Variants in KIF21A observed in about 807,000 individuals in gnomAD.
KIF21A encodes kinesin-like protein KIF21A.
In KIF21A, 114 loss-of-function variants were observed where a neutral mutation model predicts 202.9. The observed-to-expected ratio is 0.56, with a 90% CI of 0.48 to 0.66. The LOEUF (loss-of-function observed/expected upper bound fraction) is 0.66. Among genes scored for constraint, KIF21A ranks in the 30% least tolerant of loss-of-function variants. The pLI, the probability that KIF21A is intolerant of heterozygous loss-of-function variation, is 0.00. For missense variants in KIF21A, 1,677 were observed against 1,994.9 expected (o/e 0.84, Z 3.04); for synonymous variants, 667 against 670.8 (o/e 0.99, Z 0.09).
chr12:39,340,326 C>CT lies in KIF21A; in HGVS notation c.2148dup (p.Val717SerfsTer2). The CT allele has an allele frequency of 1.9e-6, 3 of 1,610,366 alleles. No individual in the cohort carries two copies. Among genetic ancestry groups the CT allele is most frequent in the Non-Finnish European group, 2.5e-6 (3 of 1,178,126 alleles). ...AGTTTCTTTTCATATTCAGACCTAACTTTTTTTGCTTTTTCTTCTGAGTAA... is the reference window on the plus strand; with the variant it reads ...AGTTTCTTTTCATATTCAGACCTAACTTTTTTTTGCTTTTTCTTCTGAGTAA... On this transcript the variant is annotated frameshift_variant, in exon 16 of 38. Transcript: ENST00000361418. LOFTEE classifies it high-confidence loss of function.
intron 1 of KIF21A, among the ~76,000 whole-genome samples, chr12:39,375,267 C>G (rs1176571769): frequency 3.3e-5 from 5 of 152,058 alleles, no homozygotes; most frequent in Non-Finnish European, 7.4e-5. Flanking sequence ...TACTTGCTAC[C>G]TTTTCAACTA....
chr12:39,340,127 C>G (rs1468772584), intron 16 of KIF21A, 38 bp downstream of exon 16: 1 of 1,510,062 alleles, frequency 6.6e-7, no homozygotes, highest in East Asian at 2.3e-5. Context: ...CAAAATCATA[C>G]TGAACATCAA....
At chr12:39,437,880 G>A (rs1270574219) in intron 1 of KIF21A, among the ~76,000 whole-genome samples, 1 of 151,966 alleles carries the variant, frequency 6.6e-6, no homozygotes, top group Non-Finnish European at 1.5e-5. Context: ...GTTTCTCAGA[G>A]GTCTTACTCA....
intron 37 of KIF21A, 62 bp downstream of exon 37, chr12:39,301,418 C>A: frequency 4.1e-6 from 5 of 1,216,504 alleles, no homozygotes; most frequent in African/African-American, 1.5e-5. Context: ...ATATTTACAA[C>A]ATATTTATTA....
chr12:39,392,064 G>A (rs989162517), intron 1 of KIF21A, among the ~76,000 whole-genome samples: 6 of 151,980 alleles, frequency 3.9e-5, no homozygotes, highest in Non-Finnish European at 5.9e-5. Flanking sequence ...TAAAAGAAGC[G>A]ATTGATAAAG....
At chr12:39,367,443 C>G (rs1354106360) in intron 4 of KIF21A, among the ~76,000 whole-genome samples, 2 of 152,168 alleles carry the variant, frequency 1.3e-5, no homozygotes, top group African/African-American at 4.8e-5. Context: ...CACTTTGGTA[C>G]AAACTGAGCA....
At chr12:39,377,804 T>A (rs7978854) in intron 1 of KIF21A, among the ~76,000 whole-genome samples, 19,712 of 152,206 alleles carry the variant, frequency 0.13, 1,371 homozygotes, top group African/African-American at 0.18. Flanking sequence ...AGGGAGTACA[T>A]ACTTTTATGA....
chr12:39,305,358 T>G (rs1592041277), intron 34 of KIF21A, among the ~76,000 whole-genome samples: 2 of 116,124 alleles, frequency 1.7e-5, no homozygotes, highest in Middle Eastern at 0.011. Flanking sequence ...AGAGCGAGAA[T>G]CCGACTCAAG....
Position 39,295,703 on chromosome 12 carries a change from T to TG in KIF21A, c.4932-1187_4932-1186insC, listed in dbSNP as rs1476768566. Among the ~76,000 whole-genome samples, 19 of 142,310 alleles carry TG rather than the reference T, an allele frequency of 1.3e-4. 1 individual carries two copies. The East Asian group carries it at 3.1e-3, about 23-fold the overall frequency. 93.4% of individuals were successfully genotyped at this position (142,310 alleles called of 152,430 possible). A position where few individuals can be genotyped will look rare whatever the true frequency, so the allele number is the denominator to read the frequency against. ...CATGCTTGGGATATGTTTTTTTTTT[T>TG]TTTTTTTTTTTTTTTTGACAGAATC... On this transcript the variant is annotated intron_variant, in intron 37 of 37. Coordinates refer to ENST00000361418, the MANE Select transcript of KIF21A (RefSeq NM_001173464.2).
intron 1 of KIF21A, among the ~76,000 whole-genome samples, chr12:39,381,101 C>T (rs1250864323): frequency 2.6e-5 from 4 of 151,780 alleles, no homozygotes; most frequent in Admixed American, 6.6e-5. Flanking sequence ...GTCAGGAGAT[C>T]GCAACCATCC....
chr12:39,398,829 C>T (rs1411059393), intron 1 of KIF21A, among the ~76,000 whole-genome samples: 1 of 152,004 alleles, frequency 6.6e-6, no homozygotes, highest in Non-Finnish European at 1.5e-5. Context: ...CTCTATATCC[C>T]CAGGTTCCAC....
chr12:39,427,433 G>A (rs936046510), intron 1 of KIF21A, among the ~76,000 whole-genome samples: 7 of 152,124 alleles, frequency 4.6e-5, no homozygotes, highest in Admixed American at 4.6e-4. Flanking sequence ...CATAGAGAGG[G>A]GTAACGTTAT....
chr12:39,400,597 G>A (rs1306150474), intron 1 of KIF21A, among the ~76,000 whole-genome samples: 2 of 152,158 alleles, frequency 1.3e-5, no homozygotes, highest in Non-Finnish European at 2.9e-5. Flanking sequence ...CTTAATGACA[G>A]ACTGGATAAA....
At position 39,307,639 on chromosome 12, in the gene KIF21A, T is replaced by C; in HGVS notation, c.4368A>G (p.Gln1456=). 1 of 1,614,106 alleles carries C rather than the reference T, an allele frequency of 6.2e-7. No homozygotes were observed. The highest frequency in any genetic ancestry group is 8.5e-7 in the Non-Finnish European group (1 of 1,179,984). ...AGGTGCCAGTTGGGTTTAGGGCAAT[T>C]TGATTGATCTGGTTCTCTCCAGAAG... The part of the protein sequence containing the change: ...AIPSGENQIN[Q]IALNPTGTFL... Residue 1456 remains glutamine, a synonymous_variant, in exon 34 of 38, where the codon CAA becomes CAG. Transcript: ENST00000361418.
At chr12:39,380,963 G>A (rs543508449) in intron 1 of KIF21A, among the ~76,000 whole-genome samples, 79 of 152,084 alleles carry the variant, frequency 5.2e-4, no homozygotes, top group African/African-American at 1.5e-3. Context: ...GTTCTTTGGG[G>A]AAAGGGAAGG....
At chr12:39,421,021 C>T (rs547838777) in intron 1 of KIF21A, among the ~76,000 whole-genome samples, 193 of 152,142 alleles carry the variant, frequency 1.3e-3, no homozygotes, top group Non-Finnish European at 2.5e-3. Context: ...GTTAAAGACA[C>T]GTGTCACATA....
In KIF21A at chr12:39,442,827, G is replaced by T; in HGVS notation, c.44+100C>A. ...CAGAACCCGGCCGGGACGCCCCTCA[G>T]GTCGCTCCACCCCGGTAGCCGGTGC... On this transcript the variant is annotated intron_variant, in intron 1 of 37. Coordinates refer to ENST00000361418, the MANE Select transcript of KIF21A (RefSeq NM_001173464.2). The surrounding 1 kb of genome is among the most constrained non-coding windows in gnomAD (Gnocchi z 5.0). The T allele has an allele frequency of 7.0e-7, 1 of 1,420,374 alleles. No homozygotes were observed. Among genetic ancestry groups the T allele is most frequent in the South Asian group, 1.3e-5 (1 of 79,958 alleles). 88.0% of individuals were successfully genotyped at this position (1,420,374 alleles called of 1,614,324 possible). A position where few individuals can be genotyped will look rare whatever the true frequency, so the allele number is the denominator to read the frequency against.
intron 1 of KIF21A, among the ~76,000 whole-genome samples, chr12:39,406,117 CAAAA>C (rs768002322): frequency 5.3e-5 from 8 of 151,000 alleles, no homozygotes; most frequent in Middle Eastern, 3.4e-3. Flanking sequence ...AACAAACAAA[CAAAA>C]AAAATTATTC....
chr12:39,425,704 A>G (rs12229079), intron 1 of KIF21A, among the ~76,000 whole-genome samples: 1 of 152,142 alleles, frequency 6.6e-6, no homozygotes, highest in African/African-American at 2.4e-5. Context: ...TTAAAAGAGA[A>G]TAATTTTTTG....
Sources: gnomAD v4.1 joint callset for allele counts (sites outside exome capture counted in the v4.1 genomes callset) on GRCh38, gnomAD v4.1.1 for gene constraint, Gnocchi (gnomAD v3.1) non-coding constraint, MANE v1.5 for transcripts, NCBI Gene and HGNC (gene_info 2026-07-23, HGNC 2026-07-21) for gene names.